Variants in ANXA8 observed in about 807,000 individuals in gnomAD.
ANXA8 encodes the protein VAC-beta.
A neutral mutation model predicts 26.8 loss-of-function variants in ANXA8; 9 were observed. The ratio of observed to expected loss-of-function variants is 0.34; its 90% CI spans 0.20 to 0.59. ANXA8 has a LOEUF of 0.59. Among genes scored for constraint, ANXA8 ranks in the 20% least tolerant of loss-of-function variants. The probability of loss-of-function intolerance (pLI) is 0.84; values close to 1 mark genes in which losing one functional copy is unlikely to be tolerated. For synonymous variants in ANXA8, 39 were observed against 94.8 expected (o/e 0.41, Z 3.42); for missense variants, 83 against 238.5 (o/e 0.35, Z 4.29).
chr10:47,502,358 G>C, the ANXA8 span: 1 of 1,608,306 alleles, frequency 6.2e-7, no homozygotes, highest in Non-Finnish European at 8.5e-7. Context: ...GCCCGCAGCA[G>C]CTGCTGGCCC....
At chr10:47,631,766 A>G in the ANXA8 span, among the ~76,000 whole-genome samples, 1 of 147,650 alleles carries the variant, frequency 6.8e-6, no homozygotes, top group Non-Finnish European at 1.5e-5. Flanking sequence ...CATTGAGATT[A>G]TTAAAGAACC....
the ANXA8 span, among the ~76,000 whole-genome samples, chr10:47,680,404 G>T: frequency 6.6e-6 from 1 of 151,890 alleles, no homozygotes; most frequent in African/African-American, 2.4e-5. Context: ...GGAGTCTGCG[G>T]TGGGTGGATC....
At chr10:47,937,082 C>T in the ANXA8 span, among the ~76,000 whole-genome samples, 5 of 149,824 alleles carry the variant, frequency 3.3e-5, 1 homozygote, top group Non-Finnish European at 7.5e-5. Context: ...GTTTGCTGTG[C>T]CTACCACCTC....
At chr10:47,690,939 T>A in the ANXA8 span, 21 of 1,611,154 alleles carry the variant, frequency 1.3e-5, no homozygotes, top group Admixed American at 1.5e-4. Context: ...GAGGAGATTC[T>A]GCTGTAGAAA....
chr10:47,925,785 C>A, the ANXA8 span, among the ~76,000 whole-genome samples: 1 of 149,362 alleles, frequency 6.7e-6, no homozygotes, highest in African/African-American at 2.5e-5. Context: ...TGTAGACACC[C>A]ATCCTAGTTC....
the ANXA8 span, among the ~76,000 whole-genome samples, chr10:47,687,484 C>T: frequency 5.3e-5 from 8 of 151,726 alleles, no homozygotes; most frequent in Non-Finnish European, 1.5e-5. Context: ...AGGCTGGTCT[C>T]GGACTCCTGA....
the ANXA8 span, among the ~76,000 whole-genome samples, chr10:47,574,109 CTTTTTTTTTTT>C: frequency 3.9e-5 from 1 of 25,434 alleles, no homozygotes; most frequent in Non-Finnish European, 8.6e-5. Context: ...AGTTTAACCT[CTTTTTTTTTTT>C]TTTTTTTTTT....
chr10:47,951,930 C>T, the ANXA8 span, among the ~76,000 whole-genome samples: 1 of 149,780 alleles, frequency 6.7e-6, no homozygotes, highest in Non-Finnish European at 1.5e-5. Flanking sequence ...AGTGCTTATC[C>T]TAGAAATGCA....
intron 1 of ANXA8, among the ~76,000 whole-genome samples, chr10:47,483,068 C>T (rs1839890821): frequency 1.3e-5 from 2 of 151,288 alleles, no homozygotes; most frequent in African/African-American, 4.9e-5. Flanking sequence ...CACCTCTGTC[C>T]CCTTCTGGAT....
the ANXA8 span, among the ~76,000 whole-genome samples, chr10:47,576,581 A>G: frequency 4.0e-5 from 6 of 150,674 alleles, no homozygotes; most frequent in African/African-American, 1.5e-4. Flanking sequence ...CTCCCCCTTC[A>G]GCCTCCCAAG....
chr10:47,667,091 T>C, the ANXA8 span, among the ~76,000 whole-genome samples: 1 of 152,022 alleles, frequency 6.6e-6, no homozygotes, highest in Non-Finnish European at 1.5e-5. Context: ...TGGAGTAGTC[T>C]CTGTTTTCTC....
the ANXA8 span, among the ~76,000 whole-genome samples, chr10:47,961,405 A>C: frequency 4.3e-5 from 2 of 46,608 alleles, 1 homozygote; most frequent in Non-Finnish European, 9.4e-5. Context: ...GACAAGGAGG[A>C]AGGGGCTTTC....
At chr10:47,937,348 G>GT in the ANXA8 span, among the ~76,000 whole-genome samples, 1 of 149,374 alleles carries the variant, frequency 6.7e-6, no homozygotes, top group African/African-American at 2.4e-5. Context: ...CAAATGAAGG[G>GT]TTTGAACCAG....
At chr10:47,756,636 T>A in the ANXA8 span, among the ~76,000 whole-genome samples, 1 of 152,270 alleles carries the variant, frequency 6.6e-6, no homozygotes. Context: ...GGATCCTGCC[T>A]GGCTTACGGT....
At chr10:47,584,209 C>T in the ANXA8 span, among the ~76,000 whole-genome samples, 3 of 149,522 alleles carry the variant, frequency 2.0e-5, no homozygotes, top group Admixed American at 6.6e-5. Flanking sequence ...GAAAACGCAC[C>T]CTCAAAACAC....
chr10:47,595,666 A>T, the ANXA8 span, among the ~76,000 whole-genome samples: 907 of 141,726 alleles, frequency 6.4e-3, 5 homozygotes, highest in African/African-American at 0.023. Flanking sequence ...GGACAAAAAA[A>T]TGTTATTGCT....
At chr10:47,733,167 TTCTTTCTTTC>T in the ANXA8 span, among the ~76,000 whole-genome samples, 124 of 99,690 alleles carry the variant, frequency 1.2e-3, no homozygotes, top group African/African-American at 4.0e-3. Context: ...CTTTCTTTCT[TTCTTTCTTTC>T]TTTCTTTCTT....
chr10:47,554,633 A>G, the ANXA8 span, among the ~76,000 whole-genome samples: 3 of 150,444 alleles, frequency 2.0e-5, no homozygotes, highest in Admixed American at 2.0e-4. Context: ...TTTCAATATG[A>G]TCCCACCGGT....
At chr10:47,559,104 A>G in the ANXA8 span, among the ~76,000 whole-genome samples, 1 of 147,032 alleles carries the variant, frequency 6.8e-6, no homozygotes, top group Admixed American at 6.8e-5. Flanking sequence ...ATTTTTTCCC[A>G]ATCCATTAAG....
Sources: gnomAD v4.1 joint callset for allele counts (sites outside exome capture counted in the v4.1 genomes callset) on GRCh38, gnomAD v4.1.1 for gene constraint, MANE v1.5 for transcripts, NCBI Gene and HGNC (gene_info 2026-07-23, HGNC 2026-07-21) for gene names.